Variants in NSG2 observed in about 807,000 individuals in gnomAD.
The protein encoded by NSG2 is neuronal vesicle trafficking associated 2, also known as neuronal vesicle trafficking-associated protein 2.
A neutral mutation model predicts 16.9 loss-of-function variants in NSG2; 4 were observed. The ratio of observed to expected loss-of-function variants is 0.24; its 90% CI spans 0.12 to 0.54. The LOEUF (loss-of-function observed/expected upper bound fraction) is 0.54. NSG2 is among the 20% of genes least tolerant of loss of function. The pLI is 0.95. For synonymous variants in NSG2, 98 were observed against 88.7 expected, an observed-to-expected ratio of 1.11 and a Z score of -0.59; for missense variants, 179 against 221.1, an observed-to-expected ratio of 0.81 and a Z score of 1.21.
At position 174,061,943 on chromosome 5, in the gene NSG2, T is replaced by C. The variant is rs150737986; in HGVS notation, c.130-2289T>C. Among the ~76,000 whole-genome samples, 186 of 144,256 alleles carry C rather than the reference T, an allele frequency of 1.3e-3. No individual in the cohort carries two copies. In the Middle Eastern group the frequency reaches 0.017, roughly 13 times the overall value. The allele number at this position is 144,256 out of a possible 152,430, so 94.6% of individuals were successfully genotyped here. On this transcript the variant is annotated intron_variant, in intron 2 of 4. Transcript: ENST00000303177. The stretch of plus-strand genomic sequence containing the variant: ...TTTTTTTTTTTTTTAGGCAGGGAAG[T>C]TGGGGGCATTCTTGAATGCCCATGT...
At chr5:174,068,193 T>G (rs1419232732) in intron 3 of NSG2, among the ~76,000 whole-genome samples, 1 of 152,172 alleles carries the variant, frequency 6.6e-6, no homozygotes, top group Admixed American at 6.5e-5. Context: ...GCTTGTGATT[T>G]GAATTTCAAA....
chr5:174,048,539 A>C (rs1458309347), intron 2 of NSG2, among the ~76,000 whole-genome samples: 3 of 152,228 alleles, frequency 2.0e-5, no homozygotes, highest in Non-Finnish European at 4.4e-5. Flanking sequence ...GTTGGGTAGG[A>C]GAAGGGAGAG....
At chr5:174,049,195 C>T (rs574173734) in intron 2 of NSG2, among the ~76,000 whole-genome samples, 1 of 152,174 alleles carries the variant, frequency 6.6e-6, no homozygotes, top group Non-Finnish European at 1.5e-5. Flanking sequence ...AAAAAATTAG[C>T]CGGGCGTGGT....
intron 2 of NSG2, among the ~76,000 whole-genome samples, chr5:174,053,207 G>T (rs1759919183): frequency 6.6e-6 from 1 of 152,206 alleles, no homozygotes. Flanking sequence ...ACCTCAGAGG[G>T]TGCTGATGAG....
intron 2 of NSG2, among the ~76,000 whole-genome samples, chr5:174,053,803 C>T (rs1394759065): frequency 1.3e-5 from 2 of 152,210 alleles, no homozygotes; most frequent in African/African-American, 4.8e-5. Flanking sequence ...GATATTTCCT[C>T]ATGTTGACAA....
At chr5:174,098,888 G>A (rs1293610906) in intron 3 of NSG2, among the ~76,000 whole-genome samples, 1 of 152,168 alleles carries the variant, frequency 6.6e-6, no homozygotes, top group Non-Finnish European at 1.5e-5. Flanking sequence ...GAGAACTAGC[G>A]AGCTGTTTAT....
At position 174,064,319 on chromosome 5, in the gene NSG2, A is replaced by T. The variant is rs1561663957; in HGVS notation, c.213+4A>T. 6.2e-7 allele frequency: 1 copy of T among 1,608,322 alleles called. No homozygotes were observed. Among genetic ancestry groups the T allele is most frequent in the Non-Finnish European group, 8.5e-7 (1 of 1,175,398 alleles). The stretch of plus-strand genomic sequence containing the variant: ...GCCGAAAATCGCTGAATTTACGGTC[A>T]GTTTCTTGATGGTGTAATAGAAAGA... On this transcript the variant is annotated splice_donor_region_variant and intron_variant, in intron 3 of 4. Transcript: ENST00000303177.
At chr5:174,080,030 C>G (rs916705552) in intron 3 of NSG2, among the ~76,000 whole-genome samples, 1 of 152,140 alleles carries the variant, frequency 6.6e-6, no homozygotes, top group Admixed American at 6.5e-5. Flanking sequence ...GGCAGTTTGT[C>G]AGGTGTTCTA....
rs1378251214 is a variant in NSG2 at position 174,107,524 on chromosome 5, A to AT, written c.*20dup. The AT allele has an allele frequency of 2.0e-6, 3 of 1,473,966 alleles. No homozygotes were observed. The highest frequency in any genetic ancestry group is 1.8e-6 in the Non-Finnish European group (2 of 1,089,872). The allele number at this position is 1,473,966 out of a possible 1,614,324, so 91.3% of individuals were successfully genotyped here. A position where few individuals can be genotyped will look rare whatever the true frequency, so the allele number is the denominator to read the frequency against. ...CCACTAGAGGCCTGCCCCAGCCAGA[A>AT]TGGGGGGCGGGGTGGAGAGGAGGAC... On this transcript the variant is annotated 3_prime_UTR_variant, in exon 5 of 5. Transcript: ENST00000303177. The surrounding 1 kb of genome is among the most constrained non-coding windows in gnomAD (Gnocchi z 4.5).
At chr5:174,093,436 C>T (rs577593836) in intron 3 of NSG2, among the ~76,000 whole-genome samples, 1 of 152,300 alleles carries the variant, frequency 6.6e-6, no homozygotes, top group East Asian at 1.9e-4. Context: ...AAGCAACTTT[C>T]CCAGGTTCAT....
At chr5:174,075,232 A>G (rs1336781020) in intron 3 of NSG2, among the ~76,000 whole-genome samples, 1 of 152,090 alleles carries the variant, frequency 6.6e-6, no homozygotes, top group African/African-American at 2.4e-5. Context: ...AAAGCTGGGG[A>G]TCAGCATGAT....
At chr5:174,106,628 T>C (rs1760986068) in intron 4 of NSG2, among the ~76,000 whole-genome samples, 1 of 127,272 alleles carries the variant, frequency 7.9e-6, no homozygotes, top group African/African-American at 2.9e-5. Flanking sequence ...GGAGTCTCAC[T>C]CTGTCGCCCA....
At chr5:174,047,799 C>A (rs1014501529) in intron 2 of NSG2, among the ~76,000 whole-genome samples, 15 of 152,280 alleles carry the variant, frequency 9.9e-5, no homozygotes, top group African/African-American at 3.6e-4. Context: ...TTCAGGTCCA[C>A]CTGAGACAAC....
At chr5:174,079,853 A>C (rs1339013666) in intron 3 of NSG2, among the ~76,000 whole-genome samples, 1 of 152,230 alleles carries the variant, frequency 6.6e-6, no homozygotes, top group Non-Finnish European at 1.5e-5. Flanking sequence ...CATGAGGGAA[A>C]ATATTGATAC....
intron 3 of NSG2, among the ~76,000 whole-genome samples, chr5:174,070,258 GC>G (rs927538387): frequency 8.5e-5 from 13 of 152,058 alleles, no homozygotes; most frequent in African/African-American, 2.9e-4. Context: ...TCTTAAATAT[GC>G]TTTTACATCT....
chr5:174,050,220 C>G (rs983652649), intron 2 of NSG2, among the ~76,000 whole-genome samples: 2 of 152,160 alleles, frequency 1.3e-5, no homozygotes, highest in Non-Finnish European at 2.9e-5. Flanking sequence ...ATATTTGACC[C>G]CAATGTCAGA....
chr5:174,097,735 CTGTGTCTG>C (rs1293195592), intron 3 of NSG2, among the ~76,000 whole-genome samples: 19 of 144,350 alleles, frequency 1.3e-4, no homozygotes, highest in Admixed American at 3.5e-4. Flanking sequence ...GTGTGTGTCT[CTGTGTCTG>C]TGTGTGTGTC....
At chr5:174,102,116 C>G (rs908172445) in intron 3 of NSG2, among the ~76,000 whole-genome samples, 1 of 152,178 alleles carries the variant, frequency 6.6e-6, no homozygotes, top group African/African-American at 2.4e-5. Flanking sequence ...TTGAATGTTA[C>G]ACAGTACTGT....
intron 2 of NSG2, among the ~76,000 whole-genome samples, chr5:174,060,804 G>T (rs1760038175): frequency 6.6e-6 from 1 of 152,192 alleles, no homozygotes; most frequent in Admixed American, 6.5e-5. Context: ...GTTGAGGGTT[G>T]CCCTCAGGTA....
Sources: allele counts gnomAD v4.1 joint callset (sites outside exome capture counted in the v4.1 genomes callset), GRCh38; gene constraint gnomAD v4.1.1; non-coding constraint Gnocchi (gnomAD v3.1); transcripts MANE v1.5; gene names NCBI Gene and HGNC (gene_info 2026-07-23, HGNC 2026-07-21).